PHTF2: variants seen among roughly 807,000 people sequenced by gnomAD.
PHTF2 encodes putative homeodomain transcription factor 2, also known as protein PHTF2.
PHTF2 carries 60 observed loss-of-function variants against 101.2 expected under a neutral mutation model. The ratio of observed to expected loss-of-function variants is 0.59; its 90% CI spans 0.48 to 0.73. The LOEUF (loss-of-function observed/expected upper bound fraction) is 0.73. PHTF2 is among the 30% of genes least tolerant of loss of function. The probability of loss-of-function intolerance (pLI) is 0.00; values close to 1 mark genes in which losing one functional copy is unlikely to be tolerated. For synonymous variants in PHTF2, 311 were observed against 307.3 expected, an observed-to-expected ratio of 1.01 and a Z score of -0.13; for missense variants, 747 against 908.7, an observed-to-expected ratio of 0.82 and a Z score of 2.29.
intron 17 of PHTF2, 73 bp from the exon 17 acceptor site, chr7:77,951,544 G>A: frequency 1.5e-6 from 1 of 652,350 alleles, no homozygotes. Flanking sequence ...AGATACTTGA[G>A]TGAATATCTT....
At chr7:77,843,339 G>C (rs1796031393) in intron 2 of PHTF2, among the ~76,000 whole-genome samples, 1 of 152,100 alleles carries the variant, frequency 6.6e-6, no homozygotes, top group Non-Finnish European at 1.5e-5. Context: ...TGATGAAATT[G>C]TAACACTTCT....
intron 1 of PHTF2, among the ~76,000 whole-genome samples, chr7:77,804,635 G>C (rs553278958): frequency 6.6e-6 from 1 of 152,152 alleles, no homozygotes; most frequent in Admixed American, 6.5e-5. Context: ...CTTAATGAGG[G>C]TTCTTTTAGT....
intron 5 of PHTF2, among the ~76,000 whole-genome samples, chr7:77,899,698 A>G (rs1801205252): frequency 6.6e-6 from 1 of 152,142 alleles, no homozygotes; most frequent in African/African-American, 2.4e-5. Flanking sequence ...TTAGATTCAA[A>G]CAGAATACTT....
chr7:77,929,696 G>A (rs1804385335), intron 12 of PHTF2, among the ~76,000 whole-genome samples: 2 of 152,030 alleles, frequency 1.3e-5, no homozygotes, highest in African/African-American at 4.8e-5. Flanking sequence ...GTAGCTCCAA[G>A]TGCCCATAGT....
At chr7:77,934,394 T>G (rs117349516) in intron 12 of PHTF2, among the ~76,000 whole-genome samples, 3,362 of 152,350 alleles carry the variant, frequency 0.022, 52 homozygotes, top group Middle Eastern at 0.068. Flanking sequence ...AATTCAGTTT[T>G]TAGTAAGTGT....
chr7:77,844,723 C>G (rs1796142520), intron 2 of PHTF2, among the ~76,000 whole-genome samples: 3 of 152,140 alleles, frequency 2.0e-5, no homozygotes, highest in Admixed American at 6.5e-5. Flanking sequence ...TGAGGTTTTG[C>G]TGTGTTGGCC....
chr7:77,853,269 T>C (rs754376503), intron 2 of PHTF2, among the ~76,000 whole-genome samples: 1 of 152,218 alleles, frequency 6.6e-6, no homozygotes, highest in Non-Finnish European at 1.5e-5. Context: ...TTATTCTTTT[T>C]TCTTTTGTCT....
intron 11 of PHTF2, chr7:77,923,550 T>A: frequency 1.0e-6 from 1 of 985,382 alleles, no homozygotes. Context: ...TCTTTGTGGT[T>A]GTGTCTCTGG....
intron 12 of PHTF2, among the ~76,000 whole-genome samples, chr7:77,930,650 C>T (rs1451736168): frequency 6.6e-6 from 1 of 152,178 alleles, no homozygotes; most frequent in East Asian, 1.9e-4. Context: ...GCTTAAACAA[C>T]AAACATTTAT....
At chr7:77,940,095 T>C in exon 14 of PHTF2, 1 of 1,613,564 alleles carries the variant, frequency 6.2e-7, no homozygotes, top group South Asian at 1.1e-5. Context: ...TCATACTGGG[T>C]TTAACTCCAT....
chr7:77,954,626 A>ATATATG, intron 19 of PHTF2, among the ~76,000 whole-genome samples: 1 of 141,404 alleles, frequency 7.1e-6, no homozygotes, highest in Non-Finnish European at 1.5e-5. Flanking sequence ...ATATATATAT[A>ATATATG]TATATATATA....
At chr7:77,822,391 G>A (rs578068300) in intron 1 of PHTF2, among the ~76,000 whole-genome samples, 154 of 152,252 alleles carry the variant, frequency 1.0e-3, no homozygotes, top group African/African-American at 3.5e-3. Flanking sequence ...CACTCCAGAG[G>A]TGGCTCTGGT....
At chr7:77,889,767 T>A (rs1181164141) in intron 3 of PHTF2, among the ~76,000 whole-genome samples, 1 of 151,684 alleles carries the variant, frequency 6.6e-6, no homozygotes. Context: ...ATTTTTTTTG[T>A]GTGTGTGTGT....
chr7:77,943,616 A>G (rs1346807837), intron 16 of PHTF2, among the ~76,000 whole-genome samples: 1 of 152,246 alleles, frequency 6.6e-6, no homozygotes, highest in Admixed American at 6.5e-5. Flanking sequence ...ATATTAAAAA[A>G]TAAGTTTAAA....
intron 3 of PHTF2, among the ~76,000 whole-genome samples, chr7:77,880,065 C>T (rs1052713133): frequency 1.2e-4 from 19 of 152,304 alleles, no homozygotes; most frequent in Non-Finnish European, 2.2e-4. Context: ...AGTTGCTCTA[C>T]TGTTGACATT....
At chr7:77,877,592 G>A (rs7806254) in intron 3 of PHTF2, among the ~76,000 whole-genome samples, 1 of 152,200 alleles carries the variant, frequency 6.6e-6, no homozygotes, top group Admixed American at 6.5e-5. Context: ...GTTGGAAAAT[G>A]AACAGTCTTC....
chr7:77,897,470 G>T (rs928811401), intron 5 of PHTF2, among the ~76,000 whole-genome samples: 1 of 151,360 alleles, frequency 6.6e-6, no homozygotes, highest in African/African-American at 2.4e-5. Context: ...CATTTGTGGT[G>T]CTTGTTTCTA....
intron 9 of PHTF2, among the ~76,000 whole-genome samples, chr7:77,916,105 T>C (rs1802896419): frequency 2.6e-5 from 4 of 152,156 alleles, no homozygotes; most frequent in Admixed American, 2.6e-4. Flanking sequence ...GAATGGTGAT[T>C]TCAGTATATA....
chr7:77,840,165 T>G, intron 1 of PHTF2, 56 bp from the exon 2 acceptor site: 1 of 904,856 alleles, frequency 1.1e-6, no homozygotes, highest in African/African-American at 1.6e-5. Flanking sequence ...TGCTGTTCAG[T>G]CTCCTTTTGG....
Sources: gnomAD v4.1 joint callset for allele counts (sites outside exome capture counted in the v4.1 genomes callset) on GRCh38, gnomAD v4.1.1 for gene constraint, MANE v1.5 for transcripts, NCBI Gene and HGNC (gene_info 2026-07-23, HGNC 2026-07-21) for gene names.